The following ZFHX3 variants were observed in gnomAD, a reference collection of about 807,000 sequenced individuals.
ZFHX3 encodes zinc finger homeobox protein 3.
A neutral mutation model predicts 279.1 loss-of-function variants in ZFHX3; 42 were observed. The observed-to-expected ratio is 0.15, with a 90% CI of 0.12 to 0.19. ZFHX3 has a LOEUF of 0.19. ZFHX3 is among the 10% of genes least tolerant of loss of function. ZFHX3 has a pLI of 1.00. For missense variants in ZFHX3, 4,981 were observed against 4,754.0 expected (o/e 1.05, Z -1.40); for synonymous variants, 2,293 against 1,957.8 (o/e 1.17, Z -4.52).
chr16:73,862,728 G>A (rs903710583), intron 1 of ZFHX3, among the ~76,000 whole-genome samples: 1 of 152,052 alleles, frequency 6.6e-6, no homozygotes, highest in Non-Finnish European at 1.5e-5. Flanking sequence ...AGAGAGCTGT[G>A]ATCACGCCAC....
At chr16:72,936,979 A>T (rs572696365) in intron 3 of ZFHX3, among the ~76,000 whole-genome samples, 1 of 152,266 alleles carries the variant, frequency 6.6e-6, no homozygotes, top group South Asian at 2.1e-4. Flanking sequence ...GTTTGGCTGT[A>T]GGGGAGCAAA....
chr16:73,594,430 T>C (rs1050183142), intron 2 of ZFHX3, among the ~76,000 whole-genome samples: 5 of 152,198 alleles, frequency 3.3e-5, no homozygotes, highest in African/African-American at 4.8e-5. Flanking sequence ...ATAATTTCAA[T>C]GAAAATCGCA....
In ZFHX3 at chr16:72,786,584, CA is replaced by C. The variant is rs758141494; in HGVS notation, c.*579del. 4,709 of 66,452 alleles carry C rather than the reference CA, an allele frequency of 0.071. 68 individuals are homozygous for C. Among genetic ancestry groups the C allele is most frequent in the South Asian group, 0.085 (177 of 2,076 alleles). The allele number at this position is 66,452 out of a possible 1,614,324, so 4.1% of individuals were successfully genotyped here. On this transcript the variant is annotated 3_prime_UTR_variant, in exon 10 of 10. Transcript: ENST00000268489. ...ACAAAACAAAAAATCTTTTCTGGAA[CA>C]AAAAAAAAAAAAAAAACTGAAAAAA...
At position 73,214,641 on chromosome 16, in the gene ZFHX3, T is replaced by C. The variant is rs118153331; in HGVS notation, c.-1104+42406A>G. ...CCCAGACATCTGAGTTCACTTCCCATGTGCTCGAGATCTCTTAGTGGTTTC... is the reference window on the plus strand; with the variant it reads ...CCCAGACATCTGAGTTCACTTCCCACGTGCTCGAGATCTCTTAGTGGTTTC... On this transcript the variant is annotated intron_variant, in intron 5 of 17. Transcript: ENST00000641206. 5.8e-4 allele frequency among the ~76,000 whole-genome samples: 89 copies of C among 152,242 alleles called. No homozygotes were observed. The East Asian group carries it at 0.016, about 27-fold the overall frequency.
chr16:73,439,058 A>G lies in ZFHX3; in HGVS notation c.-1291+16945T>C, dbSNP rs78515121. Among the ~76,000 whole-genome samples the G allele has an allele frequency of 0.021, 3,262 of 152,276 alleles. 232 individuals are homozygous for G. In the East Asian group the frequency reaches 0.27, roughly 13 times the overall value. On this transcript the variant is annotated intron_variant, in intron 3 of 17. Coordinates refer to the ZFHX3 transcript ENST00000641206. ...CTGTCTCAGACCATCACAGGATACA[A>G]CCTGGGGGGTTTTTGCCTTCCTCCC...
At chr16:73,542,215 A>G (rs2020029433) in intron 2 of ZFHX3, among the ~76,000 whole-genome samples, 1 of 150,258 alleles carries the variant, frequency 6.7e-6, no homozygotes, top group Non-Finnish European at 1.5e-5. Flanking sequence ...AGTGGCCTTA[A>G]TGGAGCCTGT....
At chr16:73,561,527 T>G (rs996531091) in intron 2 of ZFHX3, among the ~76,000 whole-genome samples, 6 of 152,110 alleles carry the variant, frequency 3.9e-5, no homozygotes, top group African/African-American at 1.4e-4. Flanking sequence ...CTCCACCATA[T>G]TTTGCCACAG....
At chr16:73,023,429 C>T (rs756436441) in intron 1 of ZFHX3, among the ~76,000 whole-genome samples, 4 of 151,904 alleles carry the variant, frequency 2.6e-5, no homozygotes, top group African/African-American at 4.8e-5. Flanking sequence ...GGGTAAGGGG[C>T]GGAGGGAGGA....
intron 5 of ZFHX3, among the ~76,000 whole-genome samples, chr16:73,187,809 T>C (rs1967947221): frequency 6.6e-6 from 1 of 152,226 alleles, no homozygotes; most frequent in African/African-American, 2.4e-5. Flanking sequence ...AAGCACTCCT[T>C]TTCACGTCAC....
intron 4 of ZFHX3, among the ~76,000 whole-genome samples, chr16:73,293,114 C>G (rs1290789876): frequency 2.0e-5 from 3 of 152,162 alleles, no homozygotes; most frequent in African/African-American, 7.2e-5. Flanking sequence ...TTTAGACCAA[C>G]CTACCAGAAG....
chr16:73,684,368 A>T (rs1362325833), intron 1 of ZFHX3, among the ~76,000 whole-genome samples: 2 of 151,998 alleles, frequency 1.3e-5, no homozygotes, highest in Non-Finnish European at 2.9e-5. Flanking sequence ...GTGTGTAATG[A>T]CATGAACTTT....
chr16:73,647,484 C>T (rs946363221), intron 2 of ZFHX3, among the ~76,000 whole-genome samples: 5 of 152,110 alleles, frequency 3.3e-5, no homozygotes, highest in Admixed American at 6.5e-5. Flanking sequence ...TCCCTCTCTC[C>T]TACTGCCATC....
rs9931466 is a variant in ZFHX3 at position 73,006,777 on chromosome 16, C to T, written c.-50+40975G>A. 8.0e-3 allele frequency among the ~76,000 whole-genome samples: 1,219 copies of T among 152,194 alleles called. 14 individuals carry two copies. The highest frequency in any genetic ancestry group is 0.027 in the African/African-American group (1,140 of 41,528). ...TCCCTTGCTATATCTCCCATAGATC[C>T]CGAAAATCTGAGGATAGTCAAGTCC... is the stretch of plus-strand genomic sequence containing the variant. On this transcript the variant is annotated intron_variant, in intron 1 of 9. Coordinates refer to ENST00000268489, the MANE Select transcript of ZFHX3 (RefSeq NM_006885.4).
intron 5 of ZFHX3, among the ~76,000 whole-genome samples, chr16:72,820,443 CAG>C (rs889252834): frequency 3.3e-4 from 50 of 152,344 alleles, no homozygotes; most frequent in African/African-American, 1.2e-3. Flanking sequence ...CCAGTCAAAA[CAG>C]AGCCACCACC....
chr16:73,068,953 G>A (rs990851616), intron 8 of ZFHX3, among the ~76,000 whole-genome samples: 2 of 152,204 alleles, frequency 1.3e-5, no homozygotes, highest in Non-Finnish European at 1.5e-5. Context: ...GCCTCCATGC[G>A]CACTGCGGGT....
chr16:73,064,433 C>A (rs745855686), upstream of ZFHX3, among the ~76,000 whole-genome samples: 1 of 152,094 alleles, frequency 6.6e-6, no homozygotes, highest in Non-Finnish European at 1.5e-5. Context: ...AGCCTCCAAA[C>A]CGCGGAAATC....
At chr16:72,803,614 A>AAC (rs1489568813) in intron 7 of ZFHX3, among the ~76,000 whole-genome samples, 3 of 152,214 alleles carry the variant, frequency 2.0e-5, no homozygotes, top group Non-Finnish European at 4.4e-5. Context: ...TCAAGAGCCA[A>AAC]ACGAAAAAAG....
intron 4 of ZFHX3, among the ~76,000 whole-genome samples, chr16:73,281,657 G>C (rs982623384): frequency 2.6e-4 from 40 of 152,202 alleles, no homozygotes; most frequent in African/African-American, 8.7e-4. Context: ...TAAAGGGCAT[G>C]GGAGGAAACT....
intron 5 of ZFHX3, among the ~76,000 whole-genome samples, chr16:73,250,253 G>C (rs2013441750): frequency 6.6e-6 from 1 of 152,164 alleles, no homozygotes; most frequent in African/African-American, 2.4e-5. Flanking sequence ...TACCAAGCAT[G>C]GTGCTTGTAC....
Sources: gnomAD v4.1 joint callset for allele counts (sites outside exome capture counted in the v4.1 genomes callset) on GRCh38, gnomAD v4.1.1 for gene constraint, MANE v1.5 for transcripts, NCBI Gene and HGNC (gene_info 2026-07-23, HGNC 2026-07-21) for gene names.